The following GLIS1 variants were observed in gnomAD, a reference collection of about 807,000 sequenced individuals.
GLIS1 encodes GLIS family zinc finger 1, also known as zinc finger protein GLIS1.
Under a neutral mutation model 63.8 loss-of-function variants are expected in GLIS1, and 24 were observed. That is an observed-to-expected ratio of 0.38 (90% CI 0.27 to 0.53). GLIS1 has a LOEUF of 0.53. GLIS1 is among the 20% of genes least tolerant of loss of function. The pLI is 0.85. For synonymous variants in GLIS1, 450 were observed against 482.5 expected (o/e 0.93, Z 0.88); for missense variants, 1,036 against 1,074.1 (o/e 0.96, Z 0.50).
chr1:53,707,603 T>C (rs934345640), intron 2 of GLIS1, among the ~76,000 whole-genome samples: 3 of 151,792 alleles, frequency 2.0e-5, no homozygotes, highest in African/African-American at 4.8e-5. Flanking sequence ...TAAGCTGACA[T>C]TGCACCACTG....
intron 2 of GLIS1, among the ~76,000 whole-genome samples, chr1:53,715,268 C>A (rs1395086349): frequency 1.3e-5 from 2 of 152,178 alleles, no homozygotes; most frequent in African/African-American, 4.8e-5. Context: ...TCAGAGAAGA[C>A]CCTTCTGGGA....
intron 5 of GLIS1, 104 bp from the exon 6 acceptor site, chr1:53,524,991 G>A (rs1290314410): frequency 4.7e-6 from 4 of 852,206 alleles, no homozygotes; most frequent in Non-Finnish European, 7.5e-6. Flanking sequence ...GAGGCTGGCT[G>A]CAGGCCAAGA....
intron 2 of GLIS1, among the ~76,000 whole-genome samples, chr1:53,714,084 G>T (rs1009731464): frequency 6.6e-6 from 1 of 152,160 alleles, no homozygotes; most frequent in Non-Finnish European, 1.5e-5. Flanking sequence ...AGATAAGAAA[G>T]AAACCGGAAA....
At chr1:53,694,587 C>G (rs1189852528) in intron 2 of GLIS1, among the ~76,000 whole-genome samples, 1 of 152,180 alleles carries the variant, frequency 6.6e-6, no homozygotes, top group Non-Finnish European at 1.5e-5. Context: ...GGAAGAAAGC[C>G]CAAGCTGGGC....
At chr1:53,735,751 G>A (rs1240597144) in intron 2 of GLIS1, among the ~76,000 whole-genome samples, 1 of 152,160 alleles carries the variant, frequency 6.6e-6, no homozygotes, top group Non-Finnish European at 1.5e-5. Flanking sequence ...GGGTTACATG[G>A]TCTGGGACTA....
At chr1:53,647,206 G>C (rs540084484) in intron 2 of GLIS1, among the ~76,000 whole-genome samples, 3 of 152,244 alleles carry the variant, frequency 2.0e-5, no homozygotes, top group South Asian at 4.1e-4. Flanking sequence ...GGTTCTTTTT[G>C]TCTGTGGAAA....
At chr1:53,632,526 G>A (rs1296598824) in intron 2 of GLIS1, among the ~76,000 whole-genome samples, 10 of 147,170 alleles carry the variant, frequency 6.8e-5, no homozygotes, top group Non-Finnish European at 1.2e-4. Context: ...TGTGTGTGAC[G>A]GGCATGTGAA....
intron 5 of GLIS1, among the ~76,000 whole-genome samples, chr1:53,528,699 C>T (rs531580892): frequency 6.6e-6 from 1 of 152,224 alleles, no homozygotes; most frequent in Non-Finnish European, 1.5e-5. Flanking sequence ...CCTCTGCTGT[C>T]TCATGGCCTC....
At chr1:53,664,773 G>A (rs1191102644) in intron 2 of GLIS1, among the ~76,000 whole-genome samples, 2 of 152,240 alleles carry the variant, frequency 1.3e-5, no homozygotes. Context: ...AAGCAAGTTG[G>A]TCAGGGAAGA....
At chr1:53,593,824 A>G (rs988008180) in intron 4 of GLIS1, among the ~76,000 whole-genome samples, 9 of 152,212 alleles carry the variant, frequency 5.9e-5, no homozygotes, top group East Asian at 3.8e-4. Flanking sequence ...GCATGTGCAC[A>G]CAGCCCCGGG....
chr1:53,627,150 G>A (rs748624541), intron 2 of GLIS1, among the ~76,000 whole-genome samples: 132 of 152,178 alleles, frequency 8.7e-4, no homozygotes, highest in Non-Finnish European at 1.6e-3. Context: ...TTACCTGAAT[G>A]GCCTGGGAGG....
chr1:53,733,201 G>A (rs562991622), intron 2 of GLIS1, among the ~76,000 whole-genome samples: 6 of 152,226 alleles, frequency 3.9e-5, no homozygotes, highest in East Asian at 1.9e-4. Flanking sequence ...GGATTTTAAC[G>A]CACTGTAAAA....
intron 4 of GLIS1, among the ~76,000 whole-genome samples, chr1:53,583,302 C>G (rs929477551): frequency 1.3e-5 from 2 of 152,228 alleles, no homozygotes; most frequent in Admixed American, 1.3e-4. Flanking sequence ...GGGCCCTGCC[C>G]AGGGCCTGAC....
intron 10 of GLIS1, among the ~76,000 whole-genome samples, chr1:53,508,018 G>A (rs914141508): frequency 1.3e-5 from 2 of 152,214 alleles, no homozygotes; most frequent in African/African-American, 2.4e-5. Context: ...GTTTACCCAC[G>A]GGCCTGTGGG....
chr1:53,705,789 C>G (rs1023409598), intron 2 of GLIS1, among the ~76,000 whole-genome samples: 1 of 152,160 alleles, frequency 6.6e-6, no homozygotes, highest in Non-Finnish European at 1.5e-5. Flanking sequence ...TATATTTACC[C>G]AAATCCTTTA....
chr1:53,540,901 G>A lies in GLIS1; in HGVS notation c.1321-10949C>T, dbSNP rs949291440. On this transcript the variant is annotated intron_variant, in intron 4 of 10. Coordinates refer to ENST00000628545, the MANE Select transcript of GLIS1 (RefSeq NM_001367484.1). Reference sequence around the variant, plus strand: ...TCAGGTCACCAGAATTATCACACACGTACCACAGGCAAAGCTCCCTGTCTT... The same window carrying A: ...TCAGGTCACCAGAATTATCACACACATACCACAGGCAAAGCTCCCTGTCTT... Among the ~76,000 whole-genome samples the A allele has an allele frequency of 7.2e-5, 11 of 152,224 alleles. No individual in the cohort carries two copies. In the East Asian group the frequency reaches 7.7e-4, roughly 11 times the overall value.
At chr1:53,568,718 C>A (rs1471202448) in intron 4 of GLIS1, among the ~76,000 whole-genome samples, 2 of 152,162 alleles carry the variant, frequency 1.3e-5, no homozygotes, top group Non-Finnish European at 2.9e-5. Context: ...GGCACCTCCC[C>A]CTTCTCTGTC....
chr1:53,622,256 T>C (rs549243246), intron 2 of GLIS1, among the ~76,000 whole-genome samples: 171 of 151,730 alleles, frequency 1.1e-3, no homozygotes, highest in Admixed American at 1.6e-3. Flanking sequence ...GGTGAAACCC[T>C]GTCTCTACTA....
At chr1:53,640,905 G>C (rs1645780469) in intron 2 of GLIS1, among the ~76,000 whole-genome samples, 1 of 152,106 alleles carries the variant, frequency 6.6e-6, no homozygotes, top group Non-Finnish European at 1.5e-5. Context: ...CAGCAGGACT[G>C]CGAGATTAAG....
Sources: allele counts gnomAD v4.1 joint callset (sites outside exome capture counted in the v4.1 genomes callset), GRCh38; gene constraint gnomAD v4.1.1; transcripts MANE v1.5; gene names NCBI Gene and HGNC (gene_info 2026-07-23, HGNC 2026-07-21).